The following TMEM132D variants were observed in gnomAD, a reference collection of about 807,000 sequenced individuals.
TMEM132D encodes the protein transmembrane protein 132D, also known as mature OL transmembrane protein.
Under a neutral mutation model 62.3 loss-of-function variants are expected in TMEM132D, and 21 were observed. The observed-to-expected ratio is 0.34, with a 90% CI of 0.24 to 0.49. The LOEUF is 0.49. Among genes scored for constraint, TMEM132D ranks in the 20% least tolerant of loss-of-function variants. The probability of loss-of-function intolerance (pLI) is 0.99; values close to 1 mark genes in which losing one functional copy is unlikely to be tolerated. For synonymous variants in TMEM132D, 621 were observed against 575.6 expected, an observed-to-expected ratio of 1.08 and a Z score of -1.13; for missense variants, 1,346 against 1,402.8, an observed-to-expected ratio of 0.96 and a Z score of 0.65.
At chr12:129,660,155 A>T (rs1312257081) in intron 2 of TMEM132D, among the ~76,000 whole-genome samples, 3 of 152,106 alleles carry the variant, frequency 2.0e-5, no homozygotes, top group African/African-American at 7.2e-5. Context: ...CATGTATTGT[A>T]AAAGAGAGAG....
Position 129,546,730 on chromosome 12 carries a change from G to A in TMEM132D, c.969-15525C>T, listed in dbSNP as rs1056486298. 3.3e-5 allele frequency among the ~76,000 whole-genome samples: 5 copies of A among 152,070 alleles called. 1 individual carries two copies. Among genetic ancestry groups the A allele is most frequent in the African/African-American group, 1.2e-4 (5 of 41,484 alleles). On this transcript the variant is annotated intron_variant, in intron 2 of 8. Transcript: ENST00000422113. ...GCAGGAGAATTGCTTGAACCCAGGA[G>A]GTGGAGGTTGCAGTGAGCCGAGATC... is the stretch of plus-strand genomic sequence containing the variant.
Position 129,665,596 on chromosome 12 carries a change from T to G in TMEM132D, c.968+34214A>C, listed in dbSNP as rs1880358047. On this transcript the variant is annotated intron_variant, in intron 2 of 8. Coordinates refer to ENST00000422113, the MANE Select transcript of TMEM132D (RefSeq NM_133448.3). ...TTTCATACATGGAGTCACTGAAGACTTCATTATTTGCTGAGTCATCTGCAA... is the reference window on the plus strand; with the variant it reads ...TTTCATACATGGAGTCACTGAAGACGTCATTATTTGCTGAGTCATCTGCAA... Among the ~76,000 whole-genome samples the G allele has an allele frequency of 3.9e-5, 6 of 152,114 alleles. No individual in the cohort carries two copies. The South Asian group carries it at 1.2e-3, about 32-fold the overall frequency.
chr12:129,390,332 G>A (rs150830502), intron 3 of TMEM132D, among the ~76,000 whole-genome samples: 10 of 152,166 alleles, frequency 6.6e-5, no homozygotes, highest in Non-Finnish European at 1.2e-4. Context: ...CAGGAACCAC[G>A]TGCCCCACAA....
At chr12:129,615,855 G>A (rs1158156910) in intron 2 of TMEM132D, among the ~76,000 whole-genome samples, 1 of 148,220 alleles carries the variant, frequency 6.7e-6, no homozygotes, top group Non-Finnish European at 1.5e-5. Context: ...TAAGATAGCT[G>A]TGAGAACACA....
intron 5 of TMEM132D, among the ~76,000 whole-genome samples, chr12:129,188,762 G>GGAGA (rs569138938): frequency 2.7e-3 from 340 of 126,276 alleles, no homozygotes; most frequent in South Asian, 7.7e-3. Context: ...AGGGAGAGAG[G>GGAGA]GAGAGAGAGA....
chr12:129,411,526 A>AT (rs537728254), intron 3 of TMEM132D, among the ~76,000 whole-genome samples: 115 of 151,030 alleles, frequency 7.6e-4, no homozygotes, highest in Non-Finnish European at 1.4e-3. Flanking sequence ...CTAATTTTTA[A>AT]TTTTTTTTTA....
chr12:129,390,235 T>C (rs963572121), intron 3 of TMEM132D, among the ~76,000 whole-genome samples: 3 of 152,212 alleles, frequency 2.0e-5, no homozygotes, highest in Non-Finnish European at 4.4e-5. Flanking sequence ...TTTTTGTGCC[T>C]GAAGTTCTAT....
At chr12:129,176,013 C>A (rs571247457) in intron 5 of TMEM132D, among the ~76,000 whole-genome samples, 1 of 152,202 alleles carries the variant, frequency 6.6e-6, no homozygotes, top group Admixed American at 6.5e-5. Flanking sequence ...CATATGTGTG[C>A]TCCCTTCCAG....
intron 2 of TMEM132D, among the ~76,000 whole-genome samples, chr12:129,587,871 G>A (rs1878074213): frequency 6.6e-6 from 1 of 152,284 alleles, no homozygotes; most frequent in East Asian, 1.9e-4. Context: ...TCGCACGCAT[G>A]GTGCCTCAAA....
intron 5 of TMEM132D, among the ~76,000 whole-genome samples, chr12:129,088,587 CG>C (rs199521296): frequency 1.4e-4 from 4 of 27,790 alleles, no homozygotes; most frequent in Admixed American, 3.5e-4. Context: ...CCTCCATGAC[CG>C]GGGTGTCCTC....
chr12:129,312,338 T>C (rs575915471), intron 4 of TMEM132D, among the ~76,000 whole-genome samples: 3 of 152,112 alleles, frequency 2.0e-5, no homozygotes, highest in Non-Finnish European at 2.9e-5. Flanking sequence ...GAAAAACACT[T>C]AGGGAAAATA....
At chr12:129,395,618 T>C (rs6486459) in intron 3 of TMEM132D, among the ~76,000 whole-genome samples, 12,081 of 151,562 alleles carry the variant, frequency 0.08, 1,141 homozygotes, top group African/African-American at 0.24. Flanking sequence ...CAAATGAATA[T>C]ATATATTTAC....
chr12:129,463,133 A>C (rs193001512), intron 3 of TMEM132D, among the ~76,000 whole-genome samples: 154 of 152,342 alleles, frequency 1.0e-3, no homozygotes, highest in Non-Finnish European at 1.5e-3. Flanking sequence ...GAACCTACAC[A>C]GTGCTGTCCA....
chr12:129,614,766 T>C (rs892296187), intron 2 of TMEM132D, among the ~76,000 whole-genome samples: 5 of 152,166 alleles, frequency 3.3e-5, no homozygotes, highest in Non-Finnish European at 5.9e-5. Flanking sequence ...GTCACAGCCA[T>C]GCACACCGGG....
chr12:129,241,976 C>A (rs1593308555), intron 4 of TMEM132D, among the ~76,000 whole-genome samples: 1 of 152,316 alleles, frequency 6.6e-6, no homozygotes, highest in Non-Finnish European at 1.5e-5. Flanking sequence ...TTGCACTATT[C>A]TGAGGGCTCT....
intron 4 of TMEM132D, among the ~76,000 whole-genome samples, chr12:129,216,602 C>A (rs1462795249): frequency 6.6e-6 from 1 of 152,158 alleles, no homozygotes; most frequent in Non-Finnish European, 1.5e-5. Flanking sequence ...TGGCCCTGGT[C>A]ACACCATAAT....
At chr12:129,535,770 T>TTGTGTG (rs112963742) in intron 2 of TMEM132D, among the ~76,000 whole-genome samples, 17 of 122,882 alleles carry the variant, frequency 1.4e-4, no homozygotes, top group African/African-American at 5.1e-4. Context: ...CATTTAAGAT[T>TTGTGTG]TGTGTGCGTG....
intron 5 of TMEM132D, among the ~76,000 whole-genome samples, chr12:129,090,239 TTTA>T (rs1346459108): frequency 1.3e-5 from 2 of 152,180 alleles, no homozygotes; most frequent in African/African-American, 4.8e-5. Flanking sequence ...CTCCAGTGGC[TTTA>T]TTATCATCTG....
chr12:129,592,840 C>T (rs1330661225), intron 2 of TMEM132D, among the ~76,000 whole-genome samples: 1 of 147,464 alleles, frequency 6.8e-6, no homozygotes, highest in Non-Finnish European at 1.5e-5. Context: ...GGACACAGCT[C>T]CGAAGCAGGA....
Sources: gnomAD v4.1 joint callset for allele counts (sites outside exome capture counted in the v4.1 genomes callset) on GRCh38, gnomAD v4.1.1 for gene constraint, MANE v1.5 for transcripts, NCBI Gene and HGNC (gene_info 2026-07-23, HGNC 2026-07-21) for gene names.